Variants in SMIM14 observed in about 807,000 individuals in gnomAD.
SMIM14 encodes the protein chromosome 4 open reading frame 34.
A neutral mutation model predicts 12.6 loss-of-function variants in SMIM14; 5 were observed. The ratio of observed to expected loss-of-function variants is 0.40; its 90% CI spans 0.21 to 0.83. The LOEUF (loss-of-function observed/expected upper bound fraction) is 0.83, where lower values mean the gene tolerates loss of function less well. Ranked by LOEUF, SMIM14 falls within the 40% of genes least tolerant of loss-of-function variation. The pLI is 0.37. For missense variants in SMIM14, 86 were observed against 119.1 expected (o/e 0.72, Z 1.29); for synonymous variants, 30 against 40.1 (o/e 0.75, Z 0.95).
chr4:39,604,650 G>A (rs1454090449), intron 2 of SMIM14, among the ~76,000 whole-genome samples: 13 of 150,708 alleles, frequency 8.6e-5, no homozygotes, highest in South Asian at 4.2e-4. Context: ...TTGTTCTGTC[G>A]CCCAGGCTAG....
intron 4 of SMIM14, among the ~76,000 whole-genome samples, chr4:39,554,609 A>G (rs1353084306): frequency 6.7e-6 from 1 of 149,244 alleles, no homozygotes; most frequent in Non-Finnish European, 1.5e-5. Context: ...CTCCATCTCA[A>G]AAAAAAAAAC....
chr4:39,583,565 G>A (rs537236442), intron 2 of SMIM14, among the ~76,000 whole-genome samples: 6 of 152,126 alleles, frequency 3.9e-5, no homozygotes, highest in East Asian at 1.9e-4. Context: ...TAAAAATAAC[G>A]CAAACATGAC....
At chr4:39,573,470 T>A (rs919326550) in intron 2 of SMIM14, among the ~76,000 whole-genome samples, 1 of 152,170 alleles carries the variant, frequency 6.6e-6, no homozygotes, top group Admixed American at 6.6e-5. Context: ...CAGAATACTC[T>A]GAGGGGCTGT....
At chr4:39,552,906 G>A (rs1402987824) in intron 4 of SMIM14, among the ~76,000 whole-genome samples, 1 of 152,082 alleles carries the variant, frequency 6.6e-6, no homozygotes. Context: ...CATGACGCCC[G>A]AGTTGGGGGT....
Position 39,551,747 on chromosome 4 carries a change from T to C in SMIM14, c.*379A>G, listed in dbSNP as rs1177793276. ...TATGAAAAAAAGCAATTTAAAAACC[T>C]ATCAAATCTATTTAAAATATATAAA... On this transcript the variant is annotated 3_prime_UTR_variant, in exon 5 of 5. Coordinates refer to ENST00000295958, the MANE Select transcript of SMIM14 (RefSeq NM_174921.3). 6.3e-6 allele frequency: 1 copy of C among 158,420 alleles called. No homozygotes were observed. The highest frequency in any genetic ancestry group is 2.4e-5 in the African/African-American group (1 of 41,726). 9.8% of individuals were successfully genotyped at this position (158,420 alleles called of 1,614,324 possible).
At chr4:39,572,305 T>TTTTTA in intron 3 of SMIM14, 110 bp downstream of exon 3, 1 of 189,706 alleles carries the variant, frequency 5.3e-6, no homozygotes, top group Non-Finnish European at 1.0e-5. Flanking sequence ...TTTTTTTTGG[T>TTTTTA]AACCACTAGA....
chr4:39,587,689 T>C (rs1250495965), intron 2 of SMIM14, among the ~76,000 whole-genome samples: 1 of 151,858 alleles, frequency 6.6e-6, no homozygotes, highest in Non-Finnish European at 1.5e-5. Flanking sequence ...GAGGAACGCT[T>C]GAGCCCAGGC....
chr4:39,553,859 G>A (rs1018030125), intron 4 of SMIM14, among the ~76,000 whole-genome samples: 1 of 152,114 alleles, frequency 6.6e-6, no homozygotes, highest in Admixed American at 6.5e-5. Context: ...CTCCCAAAGT[G>A]CTGGGATTAC....
At chr4:39,579,855 A>G (rs1026787468) in intron 2 of SMIM14, among the ~76,000 whole-genome samples, 20 of 151,242 alleles carry the variant, frequency 1.3e-4, no homozygotes, top group African/African-American at 4.9e-4. Flanking sequence ...AAAAAAAAAA[A>G]AAAGAAAGAA....
chr4:39,556,053 G>T (rs1301671165), intron 4 of SMIM14, among the ~76,000 whole-genome samples: 2 of 151,952 alleles, frequency 1.3e-5, no homozygotes, highest in Non-Finnish European at 2.9e-5. Context: ...GCATGCCTGT[G>T]GTCCCAACTA....
intron 3 of SMIM14, among the ~76,000 whole-genome samples, chr4:39,561,861 G>T (rs1712326128): frequency 6.6e-6 from 1 of 152,068 alleles, no homozygotes. Flanking sequence ...CTCGAACCCG[G>T]AAGACAGGTC....
intron 3 of SMIM14, 88 bp from the exon 4 acceptor site, chr4:39,556,658 G>A (rs182763303): frequency 8.9e-7 from 1 of 1,129,052 alleles, no homozygotes; most frequent in Non-Finnish European, 1.2e-6. Context: ...TTCAATTACT[G>A]TATTAATATA....
At chr4:39,565,698 T>C (rs1167477824) in intron 3 of SMIM14, among the ~76,000 whole-genome samples, 2 of 152,136 alleles carry the variant, frequency 1.3e-5, no homozygotes, top group East Asian at 1.9e-4. Flanking sequence ...TGTTGTGTTT[T>C]GAAAAACGAG....
intron 3 of SMIM14, among the ~76,000 whole-genome samples, chr4:39,562,382 CCAAACAAA>C (rs113037747): frequency 1.3e-3 from 192 of 151,774 alleles, no homozygotes; most frequent in African/African-American, 4.0e-3. Context: ...GTCTCAACCC[CCAAACAAA>C]CAAACAAACA....
chr4:39,565,153 G>C (rs1712509134), intron 3 of SMIM14, among the ~76,000 whole-genome samples: 1 of 152,192 alleles, frequency 6.6e-6, no homozygotes, highest in African/African-American at 2.4e-5. Flanking sequence ...AAGGGGTTGA[G>C]GTTGCAGCAA....
chr4:39,622,907 C>T (rs556678776), intron 1 of SMIM14, among the ~76,000 whole-genome samples: 3 of 152,216 alleles, frequency 2.0e-5, no homozygotes, highest in Admixed American at 6.5e-5. Flanking sequence ...CAGGGAAGGT[C>T]ACTCAGTTTC....
At position 39,619,910 on chromosome 4, in the gene SMIM14, C is replaced by T. The variant is rs1242794170; in HGVS notation, c.-35-14730G>A. 2.1e-5 allele frequency among the ~76,000 whole-genome samples: 3 copies of T among 139,942 alleles called. No homozygotes were observed. In the Admixed American group the frequency reaches 2.3e-4, roughly 11 times the overall value. 91.8% of individuals were successfully genotyped at this position (139,942 alleles called of 152,430 possible). Reference sequence around the variant, plus strand: ...TTTTTAAGAGCAAGATAGGGACTCACGCTCTGTGGCCCACGCTAGAGTGCA... The same window carrying T: ...TTTTTAAGAGCAAGATAGGGACTCATGCTCTGTGGCCCACGCTAGAGTGCA... On this transcript the variant is annotated intron_variant, in intron 1 of 4. Transcript: ENST00000295958.
chr4:39,554,365 C>A (rs1325645329), intron 4 of SMIM14, among the ~76,000 whole-genome samples: 1 of 152,090 alleles, frequency 6.6e-6, no homozygotes, highest in African/African-American at 2.4e-5. Flanking sequence ...GCCAGTACTT[C>A]GGGAGGCCGA....
intron 2 of SMIM14, 93 bp downstream of exon 2, chr4:39,604,978 A>T (rs930419689): frequency 7.7e-6 from 6 of 774,220 alleles, no homozygotes; most frequent in Non-Finnish European, 6.6e-6. Flanking sequence ...AGTGACCATC[A>T]GATGAAAACC....
Sources: allele counts gnomAD v4.1 joint callset (sites outside exome capture counted in the v4.1 genomes callset), GRCh38; gene constraint gnomAD v4.1.1; transcripts MANE v1.5; gene names NCBI Gene and HGNC (gene_info 2026-07-23, HGNC 2026-07-21).